TBC1D5: variants seen among roughly 807,000 people sequenced by gnomAD.
The protein encoded by TBC1D5 is TBC1 domain family, member 5.
Under a neutral mutation model 100.3 loss-of-function variants are expected in TBC1D5, and 75 were observed. The ratio of observed to expected loss-of-function variants is 0.75; its 90% CI spans 0.62 to 0.91. TBC1D5 has a LOEUF of 0.91. Ranked by LOEUF, TBC1D5 falls within the 40% of genes least tolerant of loss-of-function variation. The probability of loss-of-function intolerance (pLI) is 0.00; values close to 1 mark genes in which losing one functional copy is unlikely to be tolerated. For missense variants in TBC1D5, 910 were observed against 942.4 expected (o/e 0.97, Z 0.45); for synonymous variants, 323 against 325.6 (o/e 0.99, Z 0.09).
chr3:17,663,498 G>A (rs568133055), intron 1 of TBC1D5, among the ~76,000 whole-genome samples: 30 of 152,144 alleles, frequency 2.0e-4, no homozygotes, highest in South Asian at 2.1e-4. Context: ...CATTAAAAAC[G>A]GGTACATTAC....
chr3:17,369,590 C>A (rs2092358992), intron 13 of TBC1D5, among the ~76,000 whole-genome samples: 1 of 152,076 alleles, frequency 6.6e-6, no homozygotes, highest in South Asian at 2.1e-4. Flanking sequence ...GTCAAGCGAT[C>A]CTCCTGCCTC....
chr3:17,706,222 G>A (rs2074142429), intron 1 of TBC1D5: 1 of 1,549,306 alleles, frequency 6.5e-7, no homozygotes, highest in Admixed American at 2.0e-5. Flanking sequence ...CCCAGGCTGT[G>A]GAGGCGGCGG....
chr3:17,379,518 C>G (rs1007387480), intron 9 of TBC1D5, among the ~76,000 whole-genome samples: 4 of 151,972 alleles, frequency 2.6e-5, no homozygotes, highest in Non-Finnish European at 5.9e-5. Flanking sequence ...TATTAAATGC[C>G]TATATTTGCT....
At position 17,327,467 on chromosome 3, in the gene TBC1D5, C is replaced by T. The variant is rs926832396; in HGVS notation, c.996-19333G>A. Among the ~76,000 whole-genome samples, 3 of 152,344 alleles carry T rather than the reference C, an allele frequency of 2.0e-5. No individual in the cohort carries two copies. In the East Asian group the frequency reaches 5.8e-4, roughly 29 times the overall value. On this transcript the variant is annotated intron_variant, in intron 13 of 21. Transcript: ENST00000253692. ...TTGTACCCTTTGACCTCATTTCCTA[C>T]AGTCCTGCTCACTTTGCTTCAGCCT...
At chr3:17,595,539 T>C (rs1238937594) in intron 2 of TBC1D5, among the ~76,000 whole-genome samples, 1 of 152,226 alleles carries the variant, frequency 6.6e-6, no homozygotes, top group Non-Finnish European at 1.5e-5. Flanking sequence ...TTACCATTTA[T>C]TGAAATGCCT....
At chr3:17,162,986 G>A (rs1575673375) in intron 21 of TBC1D5, among the ~76,000 whole-genome samples, 1 of 152,186 alleles carries the variant, frequency 6.6e-6, no homozygotes, top group African/African-American at 2.4e-5. Flanking sequence ...GAAAATAAAA[G>A]AGCATGTTTA....
chr3:17,255,206 T>C (rs1440276429), intron 16 of TBC1D5, among the ~76,000 whole-genome samples: 2 of 151,972 alleles, frequency 1.3e-5, no homozygotes, highest in African/African-American at 4.8e-5. Flanking sequence ...TAGGATCTTG[T>C]GTTTCTTTTT....
chr3:17,583,513 C>G (rs1435507275), intron 2 of TBC1D5, among the ~76,000 whole-genome samples: 1 of 152,022 alleles, frequency 6.6e-6, no homozygotes, highest in Non-Finnish European at 1.5e-5. Context: ...ACTGCCTGAG[C>G]TCAGGAGTTC....
intron 21 of TBC1D5, among the ~76,000 whole-genome samples, chr3:17,164,088 T>C (rs1041759887): frequency 2.7e-4 from 41 of 152,312 alleles, no homozygotes; most frequent in Admixed American, 2.5e-3. Flanking sequence ...CTTCTCACTC[T>C]ATAGAATACA....
At chr3:17,493,980 C>T (rs539331575) in intron 3 of TBC1D5, among the ~76,000 whole-genome samples, 1 of 152,322 alleles carries the variant, frequency 6.6e-6, no homozygotes, top group African/African-American at 2.4e-5. Context: ...TGCAGAGGTG[C>T]TACAATCACT....
At chr3:17,709,744 A>T (rs2074529486) in intron 1 of TBC1D5, among the ~76,000 whole-genome samples, 1 of 152,190 alleles carries the variant, frequency 6.6e-6, no homozygotes, top group African/African-American at 2.4e-5. Flanking sequence ...TTTTTTAATT[A>T]AAAAGAATCC....
chr3:17,383,228 A>G (rs2093021228), intron 9 of TBC1D5, among the ~76,000 whole-genome samples: 1 of 151,856 alleles, frequency 6.6e-6, no homozygotes, highest in Non-Finnish European at 1.5e-5. Flanking sequence ...ATAACTTTTG[A>G]TTATTAGAGA....
At chr3:17,583,434 A>C (rs1194553532) in intron 2 of TBC1D5, among the ~76,000 whole-genome samples, 1 of 152,196 alleles carries the variant, frequency 6.6e-6, no homozygotes, top group Non-Finnish European at 1.5e-5. Context: ...ATGTAGAGAA[A>C]GTGGAACCCG....
At chr3:17,646,101 G>A (rs2064989673) in intron 1 of TBC1D5, among the ~76,000 whole-genome samples, 1 of 151,852 alleles carries the variant, frequency 6.6e-6, no homozygotes, top group South Asian at 2.1e-4. Context: ...AACCCAATAT[G>A]ACTGATGTCT....
chr3:17,465,744 T>C (rs2095290433), intron 3 of TBC1D5, among the ~76,000 whole-genome samples: 1 of 152,244 alleles, frequency 6.6e-6, no homozygotes, highest in African/African-American at 2.4e-5. Context: ...AATGGTTTTA[T>C]TATCACAACC....
At chr3:17,516,304 T>C (rs1576463220) in intron 2 of TBC1D5, among the ~76,000 whole-genome samples, 2 of 152,132 alleles carry the variant, frequency 1.3e-5, no homozygotes, top group South Asian at 4.1e-4. Context: ...TTTTAATGGT[T>C]CCCCTCTATT....
chr3:17,596,479 C>T (rs1400364088), intron 2 of TBC1D5, among the ~76,000 whole-genome samples: 2 of 151,360 alleles, frequency 1.3e-5, no homozygotes, highest in East Asian at 1.9e-4. Context: ...CCACCACACC[C>T]AGGTAATTTT....
chr3:17,344,262 T>C (rs1302943234), intron 13 of TBC1D5, among the ~76,000 whole-genome samples: 1 of 152,058 alleles, frequency 6.6e-6, no homozygotes, highest in Non-Finnish European at 1.5e-5. Flanking sequence ...AGCATTCTTA[T>C]ACACCAACAA....
At chr3:17,622,424 C>T (rs1247094194) in intron 2 of TBC1D5, among the ~76,000 whole-genome samples, 1 of 152,058 alleles carries the variant, frequency 6.6e-6, no homozygotes, top group African/African-American at 2.4e-5. Context: ...TTATCAGTAC[C>T]ATTTATGCGT....
Sources: allele counts gnomAD v4.1 joint callset (sites outside exome capture counted in the v4.1 genomes callset), GRCh38; gene constraint gnomAD v4.1.1; transcripts MANE v1.5; gene names NCBI Gene and HGNC (gene_info 2026-07-23, HGNC 2026-07-21).